LTBP2: variants seen among roughly 807,000 people sequenced by gnomAD.
The protein encoded by LTBP2 is latent-transforming growth factor beta-binding protein 2.
In LTBP2, 103 loss-of-function variants were observed where a neutral mutation model predicts 210.6. The observed-to-expected ratio is 0.49, with a 90% CI of 0.42 to 0.58. The LOEUF is 0.58. Among genes scored for constraint, LTBP2 ranks in the 20% least tolerant of loss-of-function variants. The probability of loss-of-function intolerance (pLI) is 0.00; values close to 1 mark genes in which losing one functional copy is unlikely to be tolerated. For missense variants in LTBP2, 2,313 were observed against 2,494.5 expected, an observed-to-expected ratio of 0.93 and a Z score of 1.55; for synonymous variants, 1,007 against 1,015.0, an observed-to-expected ratio of 0.99 and a Z score of 0.15.
chr14:74,527,531 C>A (rs538248345), intron 12 of LTBP2, among the ~76,000 whole-genome samples, 165 bp from the exon 13 acceptor site: 6 of 152,380 alleles, frequency 3.9e-5, no homozygotes, highest in African/African-American at 1.4e-4. Flanking sequence ...GCCCCATCAC[C>A]CCTGTAGGGA....
rs862040 is a variant in LTBP2 at position 74,519,780 on chromosome 14, C to T, written c.2788+2131G>A. Reference sequence around the variant, plus strand: ...ACGGTGGCAGAAACTTGTGTCTGCACCAGTCCTGGTGACACCATTCTCTGC... The same window carrying T: ...ACGGTGGCAGAAACTTGTGTCTGCATCAGTCCTGGTGACACCATTCTCTGC... On this transcript the variant is annotated intron_variant, in intron 17 of 35. Transcript: ENST00000261978. 0.017 allele frequency among the ~76,000 whole-genome samples: 2,598 copies of T among 152,294 alleles called. 141 individuals are homozygous for T. The East Asian group carries it at 0.17, about 10-fold the overall frequency.
At chr14:74,509,202 T>A (rs1390056909) in intron 22 of LTBP2, 36 bp downstream of exon 22, 2 of 1,613,012 alleles carry the variant, frequency 1.2e-6, no homozygotes, top group Non-Finnish European at 1.7e-6. Context: ...AGAGGGGGCA[T>A]CCCATTTGTA....
chr14:74,592,928 G>T (rs1364091773), intron 2 of LTBP2, among the ~76,000 whole-genome samples: 2 of 152,032 alleles, frequency 1.3e-5, no homozygotes, highest in South Asian at 2.1e-4. Context: ...CGTAATTTGG[G>T]CTCCTCCAGG....
chr14:74,566,696 A>G (rs2139767291), intron 3 of LTBP2, among the ~76,000 whole-genome samples: 2 of 152,334 alleles, frequency 1.3e-5, no homozygotes, highest in East Asian at 3.9e-4. Flanking sequence ...CTGATAGGGC[A>G]TCATCAACAT....
chr14:74,542,488 C>T (rs73310026), intron 8 of LTBP2, among the ~76,000 whole-genome samples: 3,425 of 152,322 alleles, frequency 0.022, 141 homozygotes, highest in African/African-American at 0.078. Context: ...ATGACAGGTG[C>T]CTGCAGCAGG....
intron 2 of LTBP2, among the ~76,000 whole-genome samples, chr14:74,601,728 A>T (rs1324944869): frequency 2.0e-5 from 3 of 152,194 alleles, no homozygotes; most frequent in Non-Finnish European, 4.4e-5. Context: ...GCATCCCATC[A>T]AGTGGGGTGT....
chr14:74,606,775 G>A (rs1357027263), intron 1 of LTBP2, among the ~76,000 whole-genome samples: 2 of 152,080 alleles, frequency 1.3e-5, no homozygotes, highest in Non-Finnish European at 2.9e-5. Context: ...CCCAGGAGGC[G>A]GAGGCTGCAG....
rs1169547673 is a variant in LTBP2 at position 74,611,861 on chromosome 14, G to A, written c.84C>T (p.Leu28=). The change falls in exon 1 of 36, where the codon CTC becomes CTT. Residue 28 remains leucine (L), a synonymous_variant. Transcript: ENST00000261978. ...TTTGGGCATGACCCGCGCCCACGAA[G>A]AGAGCCAGGGTGAGCGGCAGGAAGC... ...WRGFLPLTLA[L]FVGAGHAQRD... 1.2e-6 allele frequency: 2 copies of A among 1,610,600 alleles called. No homozygotes were observed. The highest frequency in any genetic ancestry group is 1.7e-5 in the Admixed American group (1 of 59,940).
chr14:74,541,296 A>T (rs1246931913), intron 8 of LTBP2, among the ~76,000 whole-genome samples: 1 of 152,192 alleles, frequency 6.6e-6, no homozygotes, highest in East Asian at 1.9e-4. Flanking sequence ...GGTGCCAAGC[A>T]TGACACCTAG....
At chr14:74,556,064 T>G (rs1566637103) in intron 3 of LTBP2, among the ~76,000 whole-genome samples, 2 of 152,200 alleles carry the variant, frequency 1.3e-5, no homozygotes, top group Admixed American at 1.3e-4. Context: ...GACCAGCCCC[T>G]GCCCTAAAAC....
chr14:74,528,728 GAGAGGT>G, intron 11 of LTBP2, 30 bp from the exon 12 acceptor site: 1 of 1,605,394 alleles, frequency 6.2e-7, no homozygotes, highest in Non-Finnish European at 8.5e-7. Flanking sequence ...AGGACAAACT[GAGAGGT>G]GCTGTTCCTG....
intron 7 of LTBP2, among the ~76,000 whole-genome samples, chr14:74,550,860 C>A (rs2087643265): frequency 6.6e-6 from 1 of 152,222 alleles, no homozygotes; most frequent in Non-Finnish European, 1.5e-5. Context: ...TATTGACAAG[C>A]ACCAAGTAGA....
chr14:74,579,889 T>A (rs1446703866), intron 3 of LTBP2, among the ~76,000 whole-genome samples: 17 of 152,210 alleles, frequency 1.1e-4, no homozygotes, highest in Non-Finnish European at 4.4e-5. Flanking sequence ...GACAGCCGAT[T>A]GTAGACGTAA....
chr14:74,592,515 TG>T (rs1196658783), intron 2 of LTBP2, among the ~76,000 whole-genome samples: 1 of 151,808 alleles, frequency 6.6e-6, no homozygotes, highest in Non-Finnish European at 1.5e-5. Flanking sequence ...TTTTGTAGAG[TG>T]GGACCCCATC....
chr14:74,522,774 G>T lies in LTBP2; in HGVS notation c.2659+16C>A, dbSNP rs751589308. On this transcript the variant is annotated intron_variant, in intron 16 of 35. Coordinates refer to ENST00000261978, the MANE Select transcript of LTBP2 (RefSeq NM_000428.3). The stretch of plus-strand genomic sequence containing the variant: ...ACCCCAGCCGCCAAGTAAGCCCAGG[G>T]CACCCAAGTGAATACCTGTGCAGTA... 6.2e-7 allele frequency: 1 copy of T among 1,607,250 alleles called. No homozygotes were observed. Among genetic ancestry groups the T allele is most frequent in the East Asian group, 2.2e-5 (1 of 44,810 alleles).
chr14:74,556,445 T>C (rs1346462950), intron 3 of LTBP2, among the ~76,000 whole-genome samples: 4 of 152,396 alleles, frequency 2.6e-5, no homozygotes, highest in Admixed American at 6.5e-5. Context: ...TATATGATAG[T>C]CCAGCTAAAG....
chr14:74,612,019 G>T lies in LTBP2; in HGVS notation c.-75C>A. 7.1e-7 allele frequency: 1 copy of T among 1,400,556 alleles called. No individual in the cohort carries two copies. The highest frequency in any genetic ancestry group is 1.6e-5 in the South Asian group (1 of 64,352). 86.8% of individuals were successfully genotyped at this position (1,400,556 alleles called of 1,614,324 possible). On this transcript the variant is annotated 5_prime_UTR_variant, in exon 1 of 36. Transcript: ENST00000261978. ...GTGGTCGGCACGCTGGACGCCCGCGGGCTGTTCTCCCGGCCCCGCCCGGCG... is the reference window on the plus strand; with the variant it reads ...GTGGTCGGCACGCTGGACGCCCGCGTGCTGTTCTCCCGGCCCCGCCCGGCG...
intron 8 of LTBP2, among the ~76,000 whole-genome samples, chr14:74,540,002 C>A (rs1224766634): frequency 6.6e-6 from 1 of 152,198 alleles, no homozygotes; most frequent in African/African-American, 2.4e-5. Context: ...TTCATGAAGG[C>A]AGGCTTCTAG....
rs2088623746 is a variant in LTBP2 at position 74,612,066 on chromosome 14, G to C, written c.-122C>G. Reference sequence around the variant, plus strand: ...GGCGGCCAGCTTCTCTGAGTCTAGGGGGCCCTGAAGCGGCCGACTGGGGGC... The same window carrying C: ...GGCGGCCAGCTTCTCTGAGTCTAGGCGGCCCTGAAGCGGCCGACTGGGGGC... On this transcript the variant is annotated 5_prime_UTR_variant, in exon 1 of 36. Coordinates refer to ENST00000261978, the MANE Select transcript of LTBP2 (RefSeq NM_000428.3). The C allele has an allele frequency of 1.2e-5, 14 of 1,148,012 alleles. No homozygotes were observed. The highest frequency in any genetic ancestry group is 1.4e-5 in the Non-Finnish European group (12 of 865,934). The allele number at this position is 1,148,012 out of a possible 1,614,324, so 71.1% of individuals were successfully genotyped here.
Sources: gnomAD v4.1 joint callset for allele counts (sites outside exome capture counted in the v4.1 genomes callset) on GRCh38, gnomAD v4.1.1 for gene constraint, MANE v1.5 for transcripts, NCBI Gene and HGNC (gene_info 2026-07-23, HGNC 2026-07-21) for gene names.